Variants in CNTNAP5 observed in about 807,000 individuals in gnomAD.
The protein encoded by CNTNAP5 is contactin-associated protein-like 5.
In CNTNAP5, 72 loss-of-function variants were observed where a neutral mutation model predicts 150.2. That is an observed-to-expected ratio of 0.48 (90% CI 0.40 to 0.58). CNTNAP5 has a LOEUF of 0.58. Ranked by LOEUF, CNTNAP5 falls within the 20% of genes least tolerant of loss-of-function variation. CNTNAP5 has a pLI of 0.00. For missense variants in CNTNAP5, 1,636 were observed against 1,626.2 expected (o/e 1.01, Z -0.10); for synonymous variants, 672 against 619.8 (o/e 1.08, Z -1.25).
At chr2:124,097,790 C>A (rs912223209) in intron 1 of CNTNAP5, among the ~76,000 whole-genome samples, 4 of 152,092 alleles carry the variant, frequency 2.6e-5, no homozygotes, top group Non-Finnish European at 4.4e-5. Context: ...GCACTTTGGG[C>A]GGCCGAGGCG....
intron 6 of CNTNAP5, among the ~76,000 whole-genome samples, chr2:124,463,293 G>A (rs1693296390): frequency 6.6e-6 from 1 of 152,142 alleles, no homozygotes. Flanking sequence ...TAAAATATAT[G>A]TTAGGCCTGT....
intron 6 of CNTNAP5, among the ~76,000 whole-genome samples, chr2:124,473,903 C>T (rs559921694): frequency 3.3e-4 from 50 of 151,974 alleles, no homozygotes; most frequent in African/African-American, 1.1e-3. Context: ...AGAAGAAAAC[C>T]GCTAGTATCT....
At chr2:124,403,658 A>C (rs942822541) in intron 3 of CNTNAP5, among the ~76,000 whole-genome samples, 1 of 152,214 alleles carries the variant, frequency 6.6e-6, no homozygotes, top group African/African-American at 2.4e-5. Context: ...AACGAGATAC[A>C]ATCCAGATTC....
chr2:124,497,916 G>C (rs1694190120), intron 7 of CNTNAP5, among the ~76,000 whole-genome samples: 1 of 152,140 alleles, frequency 6.6e-6, no homozygotes, highest in Non-Finnish European at 1.5e-5. Flanking sequence ...TCATTCGATT[G>C]GTTCTGTAGT....
intron 3 of CNTNAP5, among the ~76,000 whole-genome samples, chr2:124,246,376 T>G (rs1687028553): frequency 6.6e-6 from 1 of 152,142 alleles, no homozygotes; most frequent in African/African-American, 2.4e-5. Flanking sequence ...CCATGATTTA[T>G]GCACAAGCCA....
intron 19 of CNTNAP5, among the ~76,000 whole-genome samples, chr2:124,853,775 C>T (rs1336408421): frequency 1.3e-5 from 2 of 152,038 alleles, no homozygotes; most frequent in Admixed American, 1.3e-4. Context: ...GCCTAGTATC[C>T]AATAGTTGTT....
chr2:124,486,743 G>A (rs1693889338), intron 7 of CNTNAP5, among the ~76,000 whole-genome samples: 1 of 152,104 alleles, frequency 6.6e-6, no homozygotes, highest in South Asian at 2.1e-4. Context: ...CTTGTAATTA[G>A]TAAAATGTCA....
intron 11 of CNTNAP5, among the ~76,000 whole-genome samples, chr2:124,585,204 T>G (rs1289282116): frequency 1.3e-5 from 2 of 152,174 alleles, no homozygotes; most frequent in African/African-American, 4.8e-5. Context: ...ATGTTATCAC[T>G]CCATTTCCTT....
chr2:124,226,165 T>C (rs1573850325), intron 2 of CNTNAP5, among the ~76,000 whole-genome samples: 1 of 147,520 alleles, frequency 6.8e-6, no homozygotes, highest in African/African-American at 2.5e-5. Context: ...GGTAGTTTCT[T>C]TTTTTTTTTT....
intron 1 of CNTNAP5, among the ~76,000 whole-genome samples, chr2:124,154,193 A>C (rs1684472406): frequency 6.6e-6 from 1 of 152,036 alleles, no homozygotes; most frequent in African/African-American, 2.4e-5. Flanking sequence ...GGCCCTTTTG[A>C]GCCAGAAGGA....
intron 16 of CNTNAP5, among the ~76,000 whole-genome samples, chr2:124,768,857 C>CCA (rs1681126692): frequency 6.6e-6 from 1 of 152,122 alleles, no homozygotes; most frequent in Non-Finnish European, 1.5e-5. Context: ...TTGTGCAATA[C>CCA]CACAGGTACT....
At chr2:124,264,362 C>A (rs187734104) in intron 3 of CNTNAP5, among the ~76,000 whole-genome samples, 30 of 145,196 alleles carry the variant, frequency 2.1e-4, no homozygotes, top group Non-Finnish European at 3.1e-4. Context: ...TACCCTTCCC[C>A]CACACACACA....
intron 6 of CNTNAP5, among the ~76,000 whole-genome samples, chr2:124,447,891 T>G (rs529939275): frequency 6.6e-6 from 1 of 152,268 alleles, no homozygotes; most frequent in South Asian, 2.1e-4. Flanking sequence ...GTGGTGTGTT[T>G]GAGTCAGCTT....
At chr2:124,242,539 GC>G in intron 3 of CNTNAP5, 146 bp downstream of exon 3, 1 of 745,976 alleles carries the variant, frequency 1.3e-6, no homozygotes, top group Non-Finnish European at 2.1e-6. Flanking sequence ...AATTTTTAAG[GC>G]CCATGCCCGG....
chr2:124,739,152 T>C (rs1680449034), intron 13 of CNTNAP5, among the ~76,000 whole-genome samples: 1 of 152,148 alleles, frequency 6.6e-6, no homozygotes, highest in African/African-American at 2.4e-5. Flanking sequence ...TCCCCCTCTC[T>C]CTTTCTGGCT....
chr2:124,757,826 A>G (rs902455422), intron 14 of CNTNAP5, among the ~76,000 whole-genome samples: 1 of 152,170 alleles, frequency 6.6e-6, no homozygotes, highest in Non-Finnish European at 1.5e-5. Flanking sequence ...AGTGCCTCTA[A>G]TTTAGGGATC....
chr2:124,624,594 T>C (rs1432004768), intron 12 of CNTNAP5, among the ~76,000 whole-genome samples: 1 of 152,222 alleles, frequency 6.6e-6, no homozygotes, highest in African/African-American at 2.4e-5. Context: ...AAATAAACTT[T>C]TGAATATTGA....
At chr2:124,824,960 G>A (rs1022828191) in intron 19 of CNTNAP5, among the ~76,000 whole-genome samples, 4 of 152,100 alleles carry the variant, frequency 2.6e-5, no homozygotes, top group Non-Finnish European at 5.9e-5. Context: ...ATTCTTTTCA[G>A]TCCACCCTTT....
chr2:124,707,109 AG>A lies in CNTNAP5; in HGVS notation c.2078-40119del, dbSNP rs1265833270. On this transcript the variant is annotated intron_variant, in intron 13 of 23. Coordinates refer to ENST00000682447, the MANE Select transcript of CNTNAP5 (RefSeq NM_001367498.1). Reference sequence around the variant, plus strand: ...AGGAAGAAGAAGAAGAGGAAGAAGAAGAGGAAGAAGAAGAAAGAAGAAGAAG... The same window carrying A: ...AGGAAGAAGAAGAAGAGGAAGAAGAAAGGAAGAAGAAGAAAGAAGAAGAAG... Among the ~76,000 whole-genome samples, 39 of 127,606 alleles carry A rather than the reference AG, an allele frequency of 3.1e-4. 6 individuals are homozygous for A. Among genetic ancestry groups the A allele is most frequent in the African/African-American group, 9.2e-4 (31 of 33,874 alleles). The allele number at this position is 127,606 out of a possible 152,430, so 83.7% of individuals were successfully genotyped here.
Sources: allele counts gnomAD v4.1 joint callset (sites outside exome capture counted in the v4.1 genomes callset), GRCh38; gene constraint gnomAD v4.1.1; transcripts MANE v1.5; gene names NCBI Gene and HGNC (gene_info 2026-07-23, HGNC 2026-07-21).